GAS7: variants seen among roughly 807,000 people sequenced by gnomAD.
The protein encoded by GAS7 is growth arrest specific 7.
A neutral mutation model predicts 71.1 loss-of-function variants in GAS7; 28 were observed. The ratio of observed to expected loss-of-function variants is 0.39; its 90% confidence interval spans 0.29 to 0.54. The LOEUF is 0.54. Among genes scored for constraint, GAS7 ranks in the 20% least tolerant of loss-of-function variants. The pLI is 0.62. For synonymous variants in GAS7, 258 were observed against 245.8 expected, an observed-to-expected ratio of 1.05 and a Z score of -0.46; for missense variants, 436 against 627.8, an observed-to-expected ratio of 0.69 and a Z score of 3.27.
At chr17:9,942,936 T>C (rs1222167076) in intron 7 of GAS7, among the ~76,000 whole-genome samples, 185 bp downstream of exon 7, 2 of 152,186 alleles carry the variant, frequency 1.3e-5, no homozygotes, top group South Asian at 2.1e-4. Flanking sequence ...AAAAACACTA[T>C]ATCGGCCAAA....
intron 1 of GAS7, among the ~76,000 whole-genome samples, chr17:10,051,081 C>T (rs975769427): frequency 1.3e-5 from 2 of 152,182 alleles, no homozygotes; most frequent in Non-Finnish European, 2.9e-5. Context: ...GCTTCTCAGC[C>T]ATATAACCCT....
chr17:10,040,419 G>A (rs1212189208), intron 1 of GAS7, among the ~76,000 whole-genome samples: 3 of 152,160 alleles, frequency 2.0e-5, no homozygotes, highest in Admixed American at 6.5e-5. Flanking sequence ...AAGAAATTTC[G>A]ATTCTATAAA....
At chr17:10,087,651 G>C (rs1165032303) in intron 1 of GAS7, among the ~76,000 whole-genome samples, 1 of 152,204 alleles carries the variant, frequency 6.6e-6, no homozygotes, top group Non-Finnish European at 1.5e-5. Context: ...AGCCAGGACT[G>C]TTACCACTGA....
rs762671102 is a variant in GAS7 at position 9,912,678 on chromosome 17, G to A, written c.*4550C>T. On this transcript the variant is annotated 3_prime_UTR_variant, in exon 14 of 14. Transcript: ENST00000432992. ...ACCAAAAACCCACCACGCGCCAAAA[G>A]GCGAGTGTGAGCCCTAAGAACAGCT... 43 of 232,718 alleles carry A rather than the reference G, an allele frequency of 1.8e-4. No homozygotes were observed. The highest frequency in any genetic ancestry group is 3.5e-4 in the Non-Finnish European group (41 of 117,774). The allele number at this position is 232,718 out of a possible 1,614,324, so 14.4% of individuals were successfully genotyped here.
At chr17:10,073,779 G>C (rs1317141317) in intron 1 of GAS7, among the ~76,000 whole-genome samples, 2 of 152,186 alleles carry the variant, frequency 1.3e-5, no homozygotes, top group Non-Finnish European at 2.9e-5. Context: ...TTTCAGTCGA[G>C]GCATCTCACC....
intron 1 of GAS7, among the ~76,000 whole-genome samples, chr17:10,047,164 C>T (rs1037547643): frequency 5.3e-5 from 8 of 152,188 alleles, no homozygotes; most frequent in South Asian, 2.1e-4. Flanking sequence ...GAACAAGGGG[C>T]GTGGGAGGGG....
At chr17:10,057,835 A>C (rs908817811) in intron 1 of GAS7, among the ~76,000 whole-genome samples, 6 of 151,666 alleles carry the variant, frequency 4.0e-5, no homozygotes, top group African/African-American at 1.5e-4. Flanking sequence ...AAAGATAGAG[A>C]AATCAGATTG....
intron 1 of GAS7, chr17:10,036,697 C>T: frequency 1.5e-6 from 2 of 1,293,024 alleles, no homozygotes; most frequent in African/African-American, 1.5e-5. Flanking sequence ...CGCTCCAGTG[C>T]TTGCTGGGAA....
chr17:10,004,667 T>C lies in GAS7; in HGVS notation c.304+15110A>G, dbSNP rs1597660488. Among the ~76,000 whole-genome samples the C allele has an allele frequency of 2.6e-5, 4 of 152,324 alleles. No individual in the cohort carries two copies. The South Asian group carries it at 6.2e-4, about 24-fold the overall frequency. The stretch of plus-strand genomic sequence containing the variant: ...AAGTCTGCTCGCCCTAGATTTTTTA[T>C]TCTCTTGCTTGGTCCCCTTCATAAT... On this transcript the variant is annotated intron_variant, in intron 2 of 13. Coordinates refer to ENST00000432992, the MANE Select transcript of GAS7 (RefSeq NM_201433.2).
At chr17:10,058,919 G>A (rs2073184564) in intron 1 of GAS7, among the ~76,000 whole-genome samples, 2 of 152,220 alleles carry the variant, frequency 1.3e-5, no homozygotes, top group African/African-American at 4.8e-5. Context: ...GCTCTTTCCA[G>A]AGGCCGATCC....
At chr17:10,007,112 T>C (rs557176763) in intron 2 of GAS7, among the ~76,000 whole-genome samples, 2 of 152,236 alleles carry the variant, frequency 1.3e-5, no homozygotes, top group Non-Finnish European at 2.9e-5. Context: ...CATTTTATTA[T>C]TACACAGTGT....
At chr17:10,190,868 T>G (rs2074492986) in intron 1 of GAS7, among the ~76,000 whole-genome samples, 2 of 149,608 alleles carry the variant, frequency 1.3e-5, no homozygotes, top group South Asian at 4.2e-4. Flanking sequence ...AAAACCCTCA[T>G]GTTTTAAGAA....
At position 9,915,068 on chromosome 17, in the gene GAS7, G is replaced by A. The variant is rs535684096; in HGVS notation, c.*2160C>T. ...CAGAGGGAAGAAAGAAAGGAAGTAC[G>A]TGAAGGGGGTAAAGAGAAGGAGGTG... On this transcript the variant is annotated 3_prime_UTR_variant, in exon 14 of 14. Transcript: ENST00000432992. 3 of 231,048 alleles carry A rather than the reference G, an allele frequency of 1.3e-5. No individual in the cohort carries two copies. The highest frequency in any genetic ancestry group is 2.6e-5 in the Non-Finnish European group (3 of 116,760). 14.3% of individuals were successfully genotyped at this position (231,048 alleles called of 1,614,324 possible).
chr17:10,007,081 C>A (rs2071565493), intron 2 of GAS7, among the ~76,000 whole-genome samples: 1 of 152,196 alleles, frequency 6.6e-6, no homozygotes, highest in Non-Finnish European at 1.5e-5. Flanking sequence ...TCAACTTAAT[C>A]ATATTTGACT....
At chr17:10,123,408 C>G (rs538580144) in intron 1 of GAS7, among the ~76,000 whole-genome samples, 2 of 152,302 alleles carry the variant, frequency 1.3e-5, no homozygotes, top group South Asian at 4.1e-4. Flanking sequence ...ACCCTAGAAT[C>G]TGAAGGCTGG....
chr17:10,113,125 A>G (rs536009690), intron 1 of GAS7, among the ~76,000 whole-genome samples: 27 of 152,184 alleles, frequency 1.8e-4, no homozygotes, highest in African/African-American at 5.8e-4. Flanking sequence ...TGGGAGAGAA[A>G]TTCAACAGAA....
At chr17:9,935,647 C>G (rs2068374094) in intron 8 of GAS7, among the ~76,000 whole-genome samples, 1 of 152,216 alleles carries the variant, frequency 6.6e-6, no homozygotes, top group Non-Finnish European at 1.5e-5. Context: ...CCTCTGATGG[C>G]TGGCCAGCCC....
At chr17:10,059,752 C>G in intron 1 of GAS7, 2 of 985,082 alleles carry the variant, frequency 2.0e-6, no homozygotes, top group Non-Finnish European at 2.4e-6. Context: ...TGCCACCATC[C>G]CCACATCCGC....
intron 1 of GAS7, among the ~76,000 whole-genome samples, chr17:10,027,595 C>T (rs1456757970): frequency 6.6e-6 from 1 of 152,238 alleles, no homozygotes. Flanking sequence ...TTCTGCCTTC[C>T]ACCATGTGAG....
Sources: allele counts gnomAD v4.1 joint callset (sites outside exome capture counted in the v4.1 genomes callset), GRCh38; gene constraint gnomAD v4.1.1; transcripts MANE v1.5; gene names NCBI Gene and HGNC (gene_info 2026-07-23, HGNC 2026-07-21).